The following GDA variants were observed in gnomAD, a reference collection of about 807,000 sequenced individuals.
GDA encodes the protein cytoplasmic PSD-95 interactor.
In GDA, 18 loss-of-function variants were observed where a neutral mutation model predicts 59.6. The ratio of observed to expected loss-of-function variants is 0.30; its 90% CI spans 0.21 to 0.45. The LOEUF is 0.45. Ranked by LOEUF, GDA falls within the 20% of genes least tolerant of loss-of-function variation. The pLI is 1.00. For synonymous variants in GDA, 201 were observed against 201.1 expected (o/e 1.00, Z 0.00); for missense variants, 427 against 552.3 (o/e 0.77, Z 2.27).
chr9:72,210,382 A>G (rs1014256789), intron 3 of GDA, among the ~76,000 whole-genome samples: 1 of 152,202 alleles, frequency 6.6e-6, no homozygotes, highest in African/African-American at 2.4e-5. Flanking sequence ...TCCCAGATGC[A>G]ATAAAATTTG....
chr9:72,136,843 C>T (rs1029583308), intron 1 of GDA, among the ~76,000 whole-genome samples: 2 of 152,012 alleles, frequency 1.3e-5, no homozygotes, highest in African/African-American at 2.4e-5. Flanking sequence ...GGCATGGTGG[C>T]AGGTGCCTGT....
At position 72,245,129 on chromosome 9, in the gene GDA, A is replaced by G. The variant is rs1449112107; in HGVS notation, c.1136-19A>G. The G allele has an allele frequency of 1.2e-6, 2 of 1,612,636 alleles. No homozygotes were observed. The highest frequency in any genetic ancestry group is 2.7e-5 in the African/African-American group (2 of 74,764). ...TGATGGCTTGCAATCCTGACTGTTT[A>G]TTCACTTGTTCTCAATAGCCCTGGG... On this transcript the variant is annotated intron_variant, in intron 11 of 13. Coordinates refer to ENST00000358399, the MANE Select transcript of GDA (RefSeq NM_004293.5).
intron 1 of GDA, among the ~76,000 whole-genome samples, chr9:72,166,906 A>G (rs1393924451): frequency 6.6e-6 from 1 of 152,166 alleles, no homozygotes; most frequent in African/African-American, 2.4e-5. Flanking sequence ...GCTTAGAAAC[A>G]TATCATTGTG....
At chr9:72,219,414 A>G in intron 5 of GDA, 65 bp from the exon 6 acceptor site, 1 of 1,195,728 alleles carries the variant, frequency 8.4e-7, no homozygotes, top group South Asian at 1.3e-5. Context: ...AGAAAAAAAT[A>G]ATAATAAAGA....
chr9:72,150,576 A>G (rs2130714501), intron 1 of GDA, among the ~76,000 whole-genome samples: 1 of 152,332 alleles, frequency 6.6e-6, no homozygotes, highest in South Asian at 2.1e-4. Flanking sequence ...TTTAGAACAA[A>G]AAAATGATAA....
intron 1 of GDA, among the ~76,000 whole-genome samples, chr9:72,171,545 G>T (rs1202389881): frequency 6.6e-6 from 1 of 152,076 alleles, no homozygotes; most frequent in African/African-American, 2.4e-5. Context: ...TGAAATTAAA[G>T]ATGTGATCCT....
At chr9:72,255,789 T>G (rs938304733), downstream of GDA, among the ~76,000 whole-genome samples, 2 of 152,192 alleles carry the variant, frequency 1.3e-5, no homozygotes, top group African/African-American at 4.8e-5. Flanking sequence ...GTTTAGGTTG[T>G]TTGTTTATTT....
Position 72,248,349 on chromosome 9 carries a change from C to T in GDA, c.*7C>T, listed in dbSNP as rs750795787. 8.7e-6 allele frequency: 14 copies of T among 1,613,204 alleles called. No homozygotes were observed. The highest frequency in any genetic ancestry group is 8.0e-5 in the African/African-American group (6 of 74,878). On this transcript the variant is annotated 3_prime_UTR_variant, in exon 14 of 14. Coordinates refer to ENST00000358399, the MANE Select transcript of GDA (RefSeq NM_004293.5). ...GTTTTCCAGCTCAGTGTAAGACCCT[C>T]GGGCGTCTACAAAGTTCTCCTGGGA... is the stretch of plus-strand genomic sequence containing the variant.
At chr9:72,135,544 A>G (rs1261698037) in intron 1 of GDA, among the ~76,000 whole-genome samples, 2 of 152,052 alleles carry the variant, frequency 1.3e-5, no homozygotes, top group Non-Finnish European at 2.9e-5. Context: ...ATCTTCACCT[A>G]ACGGCATCTA....
At chr9:72,246,465 A>T (rs1840151900) in intron 12 of GDA, among the ~76,000 whole-genome samples, 1 of 152,194 alleles carries the variant, frequency 6.6e-6, no homozygotes, top group Admixed American at 6.5e-5. Context: ...TATAAATTTT[A>T]TGTGACATAG....
Position 72,227,575 on chromosome 9 carries a change from T to C in GDA, c.823-368T>C, listed in dbSNP as rs185204167. ...CTACCAGTTGCTTCCCATATAAACT[T>C]AGAAAAGAAAGTAACTTGACAGTCT... On this transcript the variant is annotated intron_variant, in intron 8 of 13. Coordinates refer to ENST00000358399, the MANE Select transcript of GDA (RefSeq NM_004293.5). Among the ~76,000 whole-genome samples, 280 of 152,222 alleles carry C rather than the reference T, an allele frequency of 1.8e-3. 1 individual carries two copies. Among genetic ancestry groups the C allele is most frequent in the Non-Finnish European group, 3.4e-3 (231 of 68,016 alleles).
Position 72,149,531 on chromosome 9 carries a change from G to T in GDA, c.-29G>T. Reference sequence around the variant, plus strand: ...CCGCCGCGTGCGCCCTCCTCGACCAGCAGACCCGCGCTGCGCTCCGCCGCT... The same window carrying T: ...CCGCCGCGTGCGCCCTCCTCGACCATCAGACCCGCGCTGCGCTCCGCCGCT... On this transcript the variant is annotated 5_prime_UTR_variant, in exon 1 of 14. Coordinates refer to ENST00000358399, the MANE Select transcript of GDA (RefSeq NM_004293.5). The T allele has an allele frequency of 6.2e-7, 1 of 1,606,134 alleles. No homozygotes were observed. The highest frequency in any genetic ancestry group is 8.5e-7 in the Non-Finnish European group (1 of 1,178,156).
At chr9:72,259,026 CTT>C (rs377688657), downstream of GDA, among the ~76,000 whole-genome samples, 15 of 139,942 alleles carry the variant, frequency 1.1e-4, no homozygotes, top group African/African-American at 1.0e-4. Flanking sequence ...AATAATAACT[CTT>C]TTTTTTTTTT....
chr9:72,258,892 A>C (rs1410680089), downstream of GDA, among the ~76,000 whole-genome samples: 2 of 152,204 alleles, frequency 1.3e-5, no homozygotes, highest in Non-Finnish European at 2.9e-5. Context: ...ATGGGTAATG[A>C]CATGGCACTG....
downstream of GDA, among the ~76,000 whole-genome samples, chr9:72,252,441 G>T (rs144806447): frequency 7.2e-5 from 11 of 152,266 alleles, no homozygotes; most frequent in East Asian, 1.9e-3. Flanking sequence ...TTTAGAAGCA[G>T]ATTGCTATTG....
At chr9:72,246,208 CA>C (rs1371470318) in intron 12 of GDA, among the ~76,000 whole-genome samples, 1 of 152,202 alleles carries the variant, frequency 6.6e-6, no homozygotes, top group African/African-American at 2.4e-5. Flanking sequence ...AGTGCAATGG[CA>C]TGATCTCAGC....
chr9:72,117,625 T>C (rs1825501644), intron 1 of GDA, among the ~76,000 whole-genome samples: 1 of 152,204 alleles, frequency 6.6e-6, no homozygotes, highest in Non-Finnish European at 1.5e-5. Context: ...TGTTCACCTT[T>C]TGTAAAAGTG....
intron 1 of GDA, among the ~76,000 whole-genome samples, chr9:72,170,770 G>A (rs1424308666): frequency 1.3e-5 from 2 of 152,212 alleles, no homozygotes; most frequent in Admixed American, 1.3e-4. Flanking sequence ...AGATGAAGGC[G>A]CCTTTTCTCT....
At chr9:72,118,452 G>C (rs1233355950) in intron 1 of GDA, among the ~76,000 whole-genome samples, 1 of 151,834 alleles carries the variant, frequency 6.6e-6, no homozygotes, top group Non-Finnish European at 1.5e-5. Context: ...AAAGGCAAGC[G>C]AACTCTAAAG....
Sources: gnomAD v4.1 joint callset for allele counts (sites outside exome capture counted in the v4.1 genomes callset) on GRCh38, gnomAD v4.1.1 for gene constraint, MANE v1.5 for transcripts, NCBI Gene and HGNC (gene_info 2026-07-23, HGNC 2026-07-21) for gene names.